Variants in NUMB observed in about 807,000 individuals in gnomAD.
NUMB encodes NUMB endocytic adaptor protein, also known as protein numb homolog.
A neutral mutation model predicts 59.7 loss-of-function variants in NUMB; 29 were observed. That is an observed-to-expected ratio of 0.49 (90% CI 0.36 to 0.66). NUMB has a LOEUF of 0.66. Among genes scored for constraint, NUMB ranks in the 30% least tolerant of loss-of-function variants. The probability of loss-of-function intolerance (pLI) is 0.00; values close to 1 mark genes in which losing one functional copy is unlikely to be tolerated. For synonymous variants in NUMB, 288 were observed against 288.2 expected, an observed-to-expected ratio of 1.00 and a Z score of 0.01; for missense variants, 723 against 822.0, an observed-to-expected ratio of 0.88 and a Z score of 1.47.
intron 3 of NUMB, among the ~76,000 whole-genome samples, chr14:73,364,897 A>C (rs1370163199): frequency 6.6e-6 from 1 of 152,148 alleles, no homozygotes; most frequent in Non-Finnish European, 1.5e-5. Flanking sequence ...TACTATTAAC[A>C]CTTGCACTGA....
intron 1 of NUMB, among the ~76,000 whole-genome samples, chr14:73,412,632 GAAA>G (rs1180955520): frequency 1.4e-4 from 13 of 92,486 alleles, no homozygotes; most frequent in African/African-American, 4.1e-4. Context: ...CGTCTCAAAA[GAAA>G]AAAAAAAAAA....
chr14:73,326,429 C>A (rs2139933820), intron 4 of NUMB, among the ~76,000 whole-genome samples: 1 of 152,142 alleles, frequency 6.6e-6, no homozygotes, highest in South Asian at 2.1e-4. Flanking sequence ...GAGTTTGAGA[C>A]CAGCTTGGCC....
chr14:73,293,389 T>A (rs1468114267), intron 7 of NUMB, among the ~76,000 whole-genome samples: 1 of 131,836 alleles, frequency 7.6e-6, no homozygotes, highest in Non-Finnish European at 1.6e-5. Context: ...ACTCGTTTCT[T>A]TTTCTTTTTT....
intron 1 of NUMB, among the ~76,000 whole-genome samples, chr14:73,422,851 C>T (rs1014447255): frequency 1.0e-4 from 15 of 148,148 alleles, no homozygotes; most frequent in South Asian, 2.1e-4. Context: ...CACATTTCAA[C>T]GTCAGATGTG....
At chr14:73,457,808 C>G (rs997661840) in intron 1 of NUMB, 1 of 152,476 alleles carries the variant, frequency 6.6e-6, no homozygotes, top group African/African-American at 2.4e-5. Context: ...CTCCGAAGAC[C>G]TGCTGCTCCT....
intron 2 of NUMB, among the ~76,000 whole-genome samples, chr14:73,399,813 G>T (rs1258496553): frequency 1.3e-5 from 2 of 152,100 alleles, no homozygotes; most frequent in African/African-American, 4.8e-5. Flanking sequence ...GGAGGCCAAG[G>T]CCAGTGGATC....
intron 1 of NUMB, among the ~76,000 whole-genome samples, chr14:73,425,635 C>T (rs1897545257): frequency 6.6e-6 from 1 of 152,006 alleles, no homozygotes; most frequent in Admixed American, 6.6e-5. Flanking sequence ...TAAATACCAA[C>T]AAGGAATTAT....
At chr14:73,391,348 A>G (rs1236701804) in intron 2 of NUMB, among the ~76,000 whole-genome samples, 1 of 151,600 alleles carries the variant, frequency 6.6e-6, no homozygotes, top group African/African-American at 2.4e-5. Flanking sequence ...ACAGATAATA[A>G]TCTTGCAAAA....
chr14:73,444,000 C>T (rs906895601), intron 1 of NUMB, among the ~76,000 whole-genome samples: 110 of 152,134 alleles, frequency 7.2e-4, no homozygotes, highest in Non-Finnish European at 1.4e-3. Flanking sequence ...CACCACTTCC[C>T]GGGTTCAAGT....
At position 73,429,233 on chromosome 14, in the gene NUMB, G is replaced by A. The variant is rs578257070; in HGVS notation, c.-232-19165C>T. Among the ~76,000 whole-genome samples the A allele has an allele frequency of 2.0e-4, 31 of 152,238 alleles. 1 individual carries two copies. Among genetic ancestry groups the A allele is most frequent in the African/African-American group, 7.5e-4 (31 of 41,564 alleles). ...CAAAATACAAAAAAATTAGCCGGGC[G>A]TGGTGGCGAGCACCTGAAGTCCCAG... On this transcript the variant is annotated intron_variant, in intron 1 of 12. Coordinates refer to ENST00000555238, the MANE Select transcript of NUMB (RefSeq NM_001005743.2).
In NUMB at chr14:73,352,168, C is replaced by A. The variant is rs1310472128; in HGVS notation, c.126+3458G>T. ...CTACAGGGTCATCTCAAACAACTTTCTGCATTACAGTTTTCCTTTACCATT... is the reference window on the plus strand; with the variant it reads ...CTACAGGGTCATCTCAAACAACTTTATGCATTACAGTTTTCCTTTACCATT... On this transcript the variant is annotated intron_variant, in intron 4 of 12. Transcript: ENST00000555238. Among the ~76,000 whole-genome samples the A allele has an allele frequency of 2.6e-5, 4 of 151,638 alleles. No homozygotes were observed. The East Asian group carries it at 5.8e-4, about 22-fold the overall frequency.
chr14:73,349,111 T>G (rs1893063158), intron 4 of NUMB, among the ~76,000 whole-genome samples: 1 of 152,228 alleles, frequency 6.6e-6, no homozygotes, highest in African/African-American at 2.4e-5. Context: ...TCATACTATA[T>G]ACATAGTTCT....
chr14:73,350,070 T>TAC (rs765736029), intron 4 of NUMB, among the ~76,000 whole-genome samples: 58 of 110,294 alleles, frequency 5.3e-4, no homozygotes, highest in Admixed American at 2.9e-3. Flanking sequence ...TATACATACA[T>TAC]ACATACATAC....
intron 2 of NUMB, among the ~76,000 whole-genome samples, chr14:73,375,292 A>G (rs559387476): frequency 1.3e-4 from 20 of 152,324 alleles, no homozygotes; most frequent in Admixed American, 9.2e-4. Flanking sequence ...ACTATGTGCC[A>G]GCTATTAAGA....
chr14:73,314,535 TAA>T (rs1890975773), intron 6 of NUMB, among the ~76,000 whole-genome samples: 1 of 152,096 alleles, frequency 6.6e-6, no homozygotes, highest in South Asian at 2.1e-4. Context: ...TACGTAGCAA[TAA>T]ATACTGTGAC....
intron 1 of NUMB, among the ~76,000 whole-genome samples, chr14:73,440,594 C>T (rs948094707): frequency 2.0e-5 from 3 of 151,626 alleles, no homozygotes; most frequent in African/African-American, 7.3e-5. Context: ...ACCTGTAATC[C>T]CAGCACTTTG....
At chr14:73,413,035 T>G (rs911935058) in intron 1 of NUMB, among the ~76,000 whole-genome samples, 1 of 152,060 alleles carries the variant, frequency 6.6e-6, no homozygotes, top group Non-Finnish European at 1.5e-5. Context: ...AAACAGGCTG[T>G]CTGACTCCAG....
intron 2 of NUMB, among the ~76,000 whole-genome samples, chr14:73,408,831 C>T (rs1334547960): frequency 2.0e-5 from 3 of 147,416 alleles, no homozygotes; most frequent in Non-Finnish European, 3.0e-5. Flanking sequence ...GAGCCAAGAT[C>T]GTGCCATTGC....
At chr14:73,412,497 C>T (rs1896940442) in intron 1 of NUMB, among the ~76,000 whole-genome samples, 1 of 151,900 alleles carries the variant, frequency 6.6e-6, no homozygotes, top group Non-Finnish European at 1.5e-5. Context: ...CATGGTGGCA[C>T]ATGCCTGTAA....
Sources: allele counts gnomAD v4.1 joint callset (sites outside exome capture counted in the v4.1 genomes callset), GRCh38; gene constraint gnomAD v4.1.1; transcripts MANE v1.5; gene names NCBI Gene and HGNC (gene_info 2026-07-23, HGNC 2026-07-21).